The following BMPR2 variants were observed in gnomAD, a reference collection of about 807,000 sequenced individuals.
The protein encoded by BMPR2 is bone morphogenetic protein receptor type 2.
Under a neutral mutation model 100.8 loss-of-function variants are expected in BMPR2, and 29 were observed. The observed-to-expected ratio is 0.29, with a 90% CI of 0.21 to 0.39. The LOEUF is 0.39. BMPR2 is among the 10% of genes least tolerant of loss of function. BMPR2 has a pLI of 1.00. For missense variants in BMPR2, 1,011 were observed against 1,274.5 expected (o/e 0.79, Z 3.15); for synonymous variants, 382 against 442.3 (o/e 0.86, Z 1.71).
chr2:202,386,728 T>C (rs1690434968), intron 1 of BMPR2, among the ~76,000 whole-genome samples: 1 of 151,950 alleles, frequency 6.6e-6, no homozygotes, highest in Admixed American at 6.6e-5. Flanking sequence ...TCGTCTAGGC[T>C]GGAGTACAGT....
chr2:202,535,060 C>CGGGGCGGCTGGCCTGGCTGGGGGCTG (rs1688113281), intron 9 of BMPR2, among the ~76,000 whole-genome samples: 1 of 132,014 alleles, frequency 7.6e-6, no homozygotes, highest in African/African-American at 2.7e-5. Flanking sequence ...CCCTCCCGGA[C>CGGGGCGGCTGGCCTGGCTGGGGGCTG]AGGTCGGCTG....
intron 1 of BMPR2, among the ~76,000 whole-genome samples, chr2:202,432,271 A>G (rs927617221): frequency 2.6e-5 from 4 of 150,980 alleles, no homozygotes; most frequent in African/African-American, 9.9e-5. Flanking sequence ...CCATGTTCAC[A>G]TATAAGCAGA....
intron 9 of BMPR2, among the ~76,000 whole-genome samples, chr2:202,533,350 G>C (rs549316890): frequency 2.0e-5 from 3 of 151,720 alleles, no homozygotes; most frequent in Admixed American, 1.3e-4. Flanking sequence ...TCAGGAGTTC[G>C]AGACCAACCT....
At chr2:202,513,528 G>A (rs1687659334) in intron 3 of BMPR2, among the ~76,000 whole-genome samples, 191 bp from the exon 4 acceptor site, 2 of 152,050 alleles carry the variant, frequency 1.3e-5, no homozygotes, top group Non-Finnish European at 2.9e-5. Flanking sequence ...ATACAGAATA[G>A]TCTGTATGAT....
chr2:202,440,161 C>T (rs1170785408), intron 1 of BMPR2, among the ~76,000 whole-genome samples: 3 of 150,822 alleles, frequency 2.0e-5, no homozygotes, highest in Admixed American at 2.0e-4. Flanking sequence ...TCTTTCTTTT[C>T]CCCACATTTC....
chr2:202,395,817 T>A (rs1158772465), intron 1 of BMPR2, among the ~76,000 whole-genome samples: 1 of 152,058 alleles, frequency 6.6e-6, no homozygotes, highest in South Asian at 2.1e-4. Flanking sequence ...GAGCCTATAA[T>A]CCCAGCCACT....
At chr2:202,498,644 C>G (rs1369868493) in intron 3 of BMPR2, among the ~76,000 whole-genome samples, 9 of 152,152 alleles carry the variant, frequency 5.9e-5, no homozygotes, top group Admixed American at 5.9e-4. Flanking sequence ...GGGAAACACT[C>G]AGGCATCAAC....
intron 9 of BMPR2, among the ~76,000 whole-genome samples, chr2:202,533,028 T>C (rs1688056643): frequency 6.6e-6 from 1 of 152,208 alleles, no homozygotes; most frequent in Non-Finnish European, 1.5e-5. Flanking sequence ...AACATTTTCC[T>C]TATGCACCAT....
chr2:202,456,819 T>C (rs1336262011), intron 1 of BMPR2, among the ~76,000 whole-genome samples: 2 of 152,140 alleles, frequency 1.3e-5, no homozygotes, highest in Non-Finnish European at 2.9e-5. Context: ...CCAGACTGTA[T>C]AGCACTTTTC....
At chr2:202,498,685 T>C (rs1693096568) in intron 3 of BMPR2, among the ~76,000 whole-genome samples, 1 of 152,118 alleles carries the variant, frequency 6.6e-6, no homozygotes. Flanking sequence ...TCCTAAGCCA[T>C]TGGGACCAAT....
chr2:202,561,423 TTA>T lies in BMPR2; in HGVS notation c.*1480_*1481del, dbSNP rs1688677415. The T allele has an allele frequency of 6.6e-6, 1 of 152,158 alleles. No individual in the cohort carries two copies. The highest frequency in any genetic ancestry group is 2.1e-4 in the South Asian group (1 of 4,836). 9.4% of individuals were successfully genotyped at this position (152,158 alleles called of 1,614,324 possible). A position where few individuals can be genotyped will look rare whatever the true frequency, so the allele number is the denominator to read the frequency against. On this transcript the variant is annotated 3_prime_UTR_variant, in exon 13 of 13. Coordinates refer to ENST00000374580, the MANE Select transcript of BMPR2 (RefSeq NM_001204.7). ...AAAAGCCCTTTGCTTCTTTCATTAC[TTA>T]TAATCTCCTCTAAAACAACCTCTGC...
chr2:202,550,788 A>G (rs1402565349), intron 10 of BMPR2, among the ~76,000 whole-genome samples: 1 of 151,966 alleles, frequency 6.6e-6, no homozygotes. Flanking sequence ...GGGCAACAGA[A>G]TGAGACCTCT....
chr2:202,401,510 G>A (rs1690768421), intron 1 of BMPR2, among the ~76,000 whole-genome samples: 1 of 152,178 alleles, frequency 6.6e-6, no homozygotes. Context: ...TTTACCAAGT[G>A]TGGCACGCCA....
chr2:202,436,967 A>G (rs574949257), intron 1 of BMPR2, among the ~76,000 whole-genome samples: 9 of 150,300 alleles, frequency 6.0e-5, no homozygotes, highest in Non-Finnish European at 1.3e-4. Flanking sequence ...CACATGGACA[A>G]TTTTTAGTCA....
intron 1 of BMPR2, among the ~76,000 whole-genome samples, chr2:202,431,432 C>G (rs1386987007): frequency 6.6e-6 from 1 of 150,622 alleles, no homozygotes; most frequent in Non-Finnish European, 1.5e-5. Flanking sequence ...GTTTTCTAAT[C>G]TGTAAAGTGA....
intron 7 of BMPR2, chr2:202,521,074 G>A (rs1251695790): frequency 1.3e-5 from 2 of 153,334 alleles, no homozygotes; most frequent in Admixed American, 6.5e-5. Flanking sequence ...AGGGGACCCA[G>A]GGGCAGCAGT....
rs191156740 is a variant in BMPR2, at chr2:202,525,440, G to A, written c.967+5239G>A. Among the ~76,000 whole-genome samples the A allele has an allele frequency of 7.4e-3, 1,118 of 152,090 alleles. 10 individuals carry two copies. Among genetic ancestry groups the A allele is most frequent in the Non-Finnish European group, 0.012 (824 of 67,990 alleles). On this transcript the variant is annotated intron_variant, in intron 7 of 12. Coordinates refer to ENST00000374580, the MANE Select transcript of BMPR2 (RefSeq NM_001204.7). ...TCGATCTCCTGACCTCAGGTGAGCC[G>A]CCCACCTCTGCCTCCCAAAGTGCTG...
intron 1 of BMPR2, among the ~76,000 whole-genome samples, chr2:202,381,868 A>G (rs1690301499): frequency 6.6e-6 from 1 of 151,964 alleles, no homozygotes; most frequent in Non-Finnish European, 1.5e-5. Context: ...CCTTTCCTTC[A>G]TTAAAGGCCA....
At chr2:202,440,442 A>G (rs1691714550) in intron 1 of BMPR2, among the ~76,000 whole-genome samples, 1 of 148,028 alleles carries the variant, frequency 6.8e-6, no homozygotes, top group Admixed American at 6.6e-5. Flanking sequence ...CACTTCCTAG[A>G]CGGGATGGCT....
Sources: allele counts gnomAD v4.1 joint callset (sites outside exome capture counted in the v4.1 genomes callset), GRCh38; gene constraint gnomAD v4.1.1; transcripts MANE v1.5; gene names NCBI Gene and HGNC (gene_info 2026-07-23, HGNC 2026-07-21).